SHISA9: variants seen among roughly 807,000 people sequenced by gnomAD.
The protein encoded by SHISA9 is shisa family member 9.
Under a neutral mutation model 38.0 loss-of-function variants are expected in SHISA9, and 13 were observed. That is an observed-to-expected ratio of 0.34 (90% CI 0.22 to 0.54). The LOEUF (loss-of-function observed/expected upper bound fraction) is 0.54. SHISA9 is among the 20% of genes least tolerant of loss of function. The probability of loss-of-function intolerance (pLI) is 0.91; values close to 1 mark genes in which losing one functional copy is unlikely to be tolerated. For missense variants in SHISA9, 538 were observed against 575.8 expected (o/e 0.93, Z 0.67); for synonymous variants, 275 against 242.0 (o/e 1.14, Z -1.27).
chr16:13,163,025 C>G (rs1473076960), intron 2 of SHISA9, among the ~76,000 whole-genome samples: 1 of 152,056 alleles, frequency 6.6e-6, no homozygotes, highest in Non-Finnish European at 1.5e-5. Context: ...ACAAGGAATT[C>G]TAAGTTAGTC....
chr16:13,418,464 A>G, the SHISA9 span, among the ~76,000 whole-genome samples: 1 of 152,112 alleles, frequency 6.6e-6, no homozygotes, highest in Non-Finnish European at 1.5e-5. Flanking sequence ...CAAGAGAACT[A>G]CTTCACTCAT....
the SHISA9 span, among the ~76,000 whole-genome samples, chr16:13,533,780 AAT>A: frequency 7.9e-5 from 9 of 114,296 alleles, no homozygotes; most frequent in African/African-American, 3.0e-4. Flanking sequence ...CATAACTCTC[AAT>A]TTTTTTTTTT....
chr16:13,102,260 T>A (rs2073885861), intron 2 of SHISA9, among the ~76,000 whole-genome samples: 1 of 152,166 alleles, frequency 6.6e-6, no homozygotes, highest in Non-Finnish European at 1.5e-5. Context: ...ACCTGTTGCA[T>A]TTCTAAACAC....
At chr16:13,122,563 T>C (rs74720021) in intron 2 of SHISA9, among the ~76,000 whole-genome samples, 3,089 of 152,264 alleles carry the variant, frequency 0.02, 97 homozygotes, top group African/African-American at 0.069. Flanking sequence ...AAGGGTTGTA[T>C]AGAGTTATTC....
chr16:13,083,229 C>T (rs536977963), intron 2 of SHISA9, among the ~76,000 whole-genome samples: 25 of 152,302 alleles, frequency 1.6e-4, no homozygotes, highest in Non-Finnish European at 3.1e-4. Flanking sequence ...GGCTGGATGG[C>T]TACTCCAACA....
At chr16:13,399,478 C>A in the SHISA9 span, among the ~76,000 whole-genome samples, 1 of 151,440 alleles carries the variant, frequency 6.6e-6, no homozygotes, top group South Asian at 2.1e-4. Flanking sequence ...CCCCCAAGAT[C>A]TCTCTCAGTT....
At chr16:13,428,710 C>G in the SHISA9 span, among the ~76,000 whole-genome samples, 3 of 151,776 alleles carry the variant, frequency 2.0e-5, no homozygotes, top group African/African-American at 7.3e-5. Flanking sequence ...TGGAATATAT[C>G]CTGAGACTAG....
At chr16:12,910,359 T>C (rs2071165723) in intron 1 of SHISA9, 1 of 495,732 alleles carries the variant, frequency 2.0e-6, no homozygotes, top group Non-Finnish European at 2.6e-6. Flanking sequence ...ATCTAACTTA[T>C]GCCCAACACT....
At chr16:13,248,946 G>T in the SHISA9 span, among the ~76,000 whole-genome samples, 2 of 152,174 alleles carry the variant, frequency 1.3e-5, no homozygotes, top group Non-Finnish European at 1.5e-5. Flanking sequence ...AAGCAAGGGA[G>T]CAGGGCTTTC....
chr16:13,353,269 G>A, the SHISA9 span, among the ~76,000 whole-genome samples: 13 of 152,086 alleles, frequency 8.5e-5, no homozygotes, highest in Non-Finnish European at 1.5e-4. Flanking sequence ...GCCTGGATAC[G>A]GTTTTGTATG....
chr16:12,971,092 C>T (rs1189171048), intron 2 of SHISA9, among the ~76,000 whole-genome samples: 1 of 152,182 alleles, frequency 6.6e-6, no homozygotes, highest in African/African-American at 2.4e-5. Flanking sequence ...GGGATCCTGG[C>T]AGGAAGCTAG....
At chr16:13,343,208 T>C in the SHISA9 span, among the ~76,000 whole-genome samples, 11 of 152,206 alleles carry the variant, frequency 7.2e-5, no homozygotes, top group African/African-American at 2.4e-4. Context: ...AACTCTGTAA[T>C]GTTGCTGAAA....
At chr16:13,457,466 C>G in the SHISA9 span, among the ~76,000 whole-genome samples, 1 of 152,054 alleles carries the variant, frequency 6.6e-6, no homozygotes, top group South Asian at 2.1e-4. Flanking sequence ...CAGACTCTCA[C>G]AGCCACATGT....
chr16:13,390,252 G>A, the SHISA9 span, among the ~76,000 whole-genome samples: 1 of 151,962 alleles, frequency 6.6e-6, no homozygotes, highest in Admixed American at 6.6e-5. Context: ...GACATCAGAA[G>A]ATTCTTAAGT....
chr16:13,077,106 C>G (rs1356385979), intron 2 of SHISA9, among the ~76,000 whole-genome samples: 1 of 152,188 alleles, frequency 6.6e-6, no homozygotes, highest in East Asian at 1.9e-4. Flanking sequence ...CCAGCTAATG[C>G]AGCACCAGGA....
At chr16:12,936,285 T>TG (rs1268922021) in intron 2 of SHISA9, among the ~76,000 whole-genome samples, 2 of 152,198 alleles carry the variant, frequency 1.3e-5, no homozygotes, top group Non-Finnish European at 2.9e-5. Context: ...GCTAGGAAAC[T>TG]GGGGATACTT....
intron 3 of SHISA9, among the ~76,000 whole-genome samples, chr16:13,209,138 G>C (rs962646634): frequency 3.3e-5 from 5 of 152,164 alleles, no homozygotes; most frequent in African/African-American, 9.7e-5. Context: ...ATGATATAGT[G>C]TAGGTAAAGT....
chr16:13,454,771 C>G, the SHISA9 span, among the ~76,000 whole-genome samples: 3 of 152,158 alleles, frequency 2.0e-5, no homozygotes, highest in African/African-American at 4.8e-5. Flanking sequence ...TTTCTATATT[C>G]CATCTTAGAC....
chr16:13,207,884 A>T (rs1009034745), intron 3 of SHISA9, among the ~76,000 whole-genome samples: 2 of 152,256 alleles, frequency 1.3e-5, no homozygotes, highest in Non-Finnish European at 2.9e-5. Context: ...ATGGTTTGCC[A>T]TTGAAAGTTC....
Sources: gnomAD v4.1 joint callset for allele counts (sites outside exome capture counted in the v4.1 genomes callset) on GRCh38, gnomAD v4.1.1 for gene constraint, MANE v1.5 for transcripts, NCBI Gene and HGNC (gene_info 2026-07-23, HGNC 2026-07-21) for gene names.